Variants in CKAP5 observed in about 807,000 individuals in gnomAD.
The protein encoded by CKAP5 is cytoskeleton associated protein 5.
CKAP5 carries 27 observed loss-of-function variants against 232.8 expected under a neutral mutation model. The ratio of observed to expected loss-of-function variants is 0.12; its 90% CI spans 0.09 to 0.16. The LOEUF is 0.16. CKAP5 is among the 10% of genes least tolerant of loss of function. The pLI is 1.00. For synonymous variants in CKAP5, 785 were observed against 841.1 expected, an observed-to-expected ratio of 0.93 and a Z score of 1.16; for missense variants, 1,838 against 2,424.7, an observed-to-expected ratio of 0.76 and a Z score of 5.08.
rs946871566 is a variant in CKAP5, at chr11:46,797,533, T to G, written c.1338+272A>C. Among the ~76,000 whole-genome samples the G allele has an allele frequency of 2.0e-5, 3 of 152,190 alleles. No individual in the cohort carries two copies. In the East Asian group the frequency reaches 5.8e-4, roughly 29 times the overall value. ...TCAAATACTCCACATTTGATGCCTATGCTTGGCCAGATTCAGCTGAACACC... is the reference window on the plus strand; with the variant it reads ...TCAAATACTCCACATTTGATGCCTAGGCTTGGCCAGATTCAGCTGAACACC... On this transcript the variant is annotated intron_variant, in intron 11 of 43. Coordinates refer to ENST00000529230, the MANE Select transcript of CKAP5 (RefSeq NM_001008938.4).
chr11:46,760,412 C>G (rs1229498673), intron 33 of CKAP5, 200 bp downstream of exon 33: 1 of 685,828 alleles, frequency 1.5e-6, no homozygotes, highest in Admixed American at 2.2e-5. Context: ...GGCACAAGAC[C>G]ATTTAGAAGT....
At chr11:46,815,506 A>C (rs892205376) in intron 4 of CKAP5, among the ~76,000 whole-genome samples, 3 of 152,206 alleles carry the variant, frequency 2.0e-5, no homozygotes, top group African/African-American at 7.2e-5. Context: ...CATCTTGCCC[A>C]GGCTGGTCTT....
intron 16 of CKAP5, among the ~76,000 whole-genome samples, chr11:46,785,716 G>C (rs1435684610): frequency 6.6e-6 from 1 of 152,194 alleles, no homozygotes; most frequent in Non-Finnish European, 1.5e-5. Flanking sequence ...AGGTTGAGTC[G>C]AGGGGAATGC....
At chr11:46,810,958 T>C in intron 5 of CKAP5, 49 bp downstream of exon 5, 3 of 1,451,916 alleles carry the variant, frequency 2.1e-6, no homozygotes, top group Non-Finnish European at 9.3e-7. Flanking sequence ...GAAGAAAATA[T>C]TTTCATATTA....
At chr11:46,757,252 G>T (rs542147970) in intron 35 of CKAP5, among the ~76,000 whole-genome samples, 2 of 151,612 alleles carry the variant, frequency 1.3e-5, no homozygotes, top group Non-Finnish European at 2.9e-5. Context: ...CAGCACTTTG[G>T]GAGGCCGAGG....
chr11:46,770,704 C>T, intron 25 of CKAP5, 84 bp downstream of exon 25: 2 of 1,285,128 alleles, frequency 1.6e-6, no homozygotes, highest in Admixed American at 2.0e-5. Context: ...GTTGGGATTA[C>T]AGGCGTGAGC....
intron 6 of CKAP5, 58 bp from the exon 7 acceptor site, chr11:46,809,558 G>A: frequency 7.0e-7 from 1 of 1,422,540 alleles, no homozygotes; most frequent in Non-Finnish European, 9.8e-7. Flanking sequence ...TTACTTATCA[G>A]TTATCAGTCC....
In CKAP5 at chr11:46,783,267, G is replaced by T; in HGVS notation, c.2249+7C>A. Reference sequence around the variant, plus strand: ...ACTATTTTCCACTTGATTTCGTTCTGACTTACCCAGAAAAACCAAATTCTT... The same window carrying T: ...ACTATTTTCCACTTGATTTCGTTCTTACTTACCCAGAAAAACCAAATTCTT... On this transcript the variant is annotated splice_region_variant and intron_variant, in intron 18 of 43. Coordinates refer to ENST00000529230, the MANE Select transcript of CKAP5 (RefSeq NM_001008938.4). 2 of 1,534,838 alleles carry T rather than the reference G, an allele frequency of 1.3e-6. No individual in the cohort carries two copies. Among genetic ancestry groups the T allele is most frequent in the South Asian group, 1.1e-5 (1 of 88,592 alleles).
intron 6 of CKAP5, 100 bp downstream of exon 6, chr11:46,809,642 T>G (rs571791624): frequency 6.9e-7 from 1 of 1,445,794 alleles, no homozygotes; most frequent in Non-Finnish European, 9.6e-7. Flanking sequence ...TATATTTTAT[T>G]AAAGGCAATC....
At chr11:46,767,246 C>G (rs1478831778) in intron 27 of CKAP5, among the ~76,000 whole-genome samples, 1 of 152,148 alleles carries the variant, frequency 6.6e-6, no homozygotes, top group Non-Finnish European at 1.5e-5. Flanking sequence ...TCTCGAACTC[C>G]TGACCTCAGG....
chr11:46,760,209 A>T (rs181807344), intron 33 of CKAP5: 1 of 219,570 alleles, frequency 4.6e-6, no homozygotes, highest in African/African-American at 2.3e-5. Context: ...TTTGTGGAAG[A>T]CTTGATTCAT....
chr11:46,772,916 A>G (rs1241256112), intron 24 of CKAP5, among the ~76,000 whole-genome samples: 1 of 151,878 alleles, frequency 6.6e-6, no homozygotes, highest in Non-Finnish European at 1.5e-5. Context: ...TAATTTTTGT[A>G]TTTTTGGTAG....
chr11:46,796,871 C>T lies in CKAP5; in HGVS notation c.1408G>A (p.Val470Ile). The T allele has an allele frequency of 6.2e-7, 1 of 1,614,076 alleles. No individual in the cohort carries two copies. The highest frequency in any genetic ancestry group is 8.5e-7 in the Non-Finnish European group (1 of 1,179,968). ...AATGGGTTTACTGCTTTCTCGCCAACCACCTTCAAAGCAGTACCCAATGCT... is the reference window on the plus strand; with the variant it reads ...AATGGGTTTACTGCTTTCTCGCCAATCACCTTCAAAGCAGTACCCAATGCT... ...FEALGTALKV[V>I]GEKAVNPFLA... The change falls in exon 12 of 44, where the codon GTT becomes ATT. Residue 470 changes from valine to isoleucine, a missense_variant. By Grantham distance (29) the Val-to-Ile change is conservative. Coordinates refer to ENST00000529230, the MANE Select transcript of CKAP5 (RefSeq NM_001008938.4).
At chr11:46,784,782 C>T in intron 16 of CKAP5, 109 bp from the exon 17 acceptor site, 2 of 701,054 alleles carry the variant, frequency 2.9e-6, no homozygotes, top group Non-Finnish European at 4.6e-6. Context: ...CAGCTGGAAA[C>T]ACAACTAAAG....
rs191519279 is a variant in CKAP5 at position 46,753,740 on chromosome 11, C to G, written c.4870-243G>C. On this transcript the variant is annotated intron_variant, in intron 36 of 43. Transcript: ENST00000529230. The stretch of plus-strand genomic sequence containing the variant: ...TAGCTGGGACTACAGGCACCCACCA[C>G]CACGCTGGGCTAATTTTTGTATTTT... 5.9e-3 allele frequency among the ~76,000 whole-genome samples: 896 copies of G among 151,908 alleles called. 7 individuals are homozygous for G. Among genetic ancestry groups the G allele is most frequent in the African/African-American group, 0.021 (867 of 41,460 alleles).
At chr11:46,805,028 G>T (rs1336954195) in intron 8 of CKAP5, among the ~76,000 whole-genome samples, 1 of 151,224 alleles carries the variant, frequency 6.6e-6, no homozygotes, top group Non-Finnish European at 1.5e-5. Context: ...TTGAGGACAG[G>T]AGTTCAAGAC....
intron 1 of CKAP5, among the ~76,000 whole-genome samples, chr11:46,839,830 T>C (rs778807037): frequency 2.0e-5 from 3 of 152,018 alleles, no homozygotes; most frequent in African/African-American, 2.4e-5. Flanking sequence ...CTGTAAAACA[T>C]TGTGAGGATA....
At chr11:46,840,251 A>T (rs1940018990) in intron 1 of CKAP5, among the ~76,000 whole-genome samples, 1 of 152,222 alleles carries the variant, frequency 6.6e-6, no homozygotes, top group Non-Finnish European at 1.5e-5. Flanking sequence ...CTGACCCCAG[A>T]GGGATTACAG....
intron 16 of CKAP5, among the ~76,000 whole-genome samples, chr11:46,787,818 T>C (rs1344174954): frequency 6.6e-6 from 1 of 152,192 alleles, no homozygotes; most frequent in Non-Finnish European, 1.5e-5. Context: ...TTGAACAACA[T>C]GGGTTTGAAC....
Sources: gnomAD v4.1 joint callset for allele counts (sites outside exome capture counted in the v4.1 genomes callset) on GRCh38, gnomAD v4.1.1 for gene constraint, MANE v1.5 for transcripts, NCBI Gene and HGNC (gene_info 2026-07-23, HGNC 2026-07-21) for gene names.